The following ARL15 variants were observed in gnomAD, a reference collection of about 807,000 sequenced individuals.
ARL15 encodes the protein ARF like GTPase 15.
A neutral mutation model predicts 25.2 loss-of-function variants in ARL15; 19 were observed. The ratio of observed to expected loss-of-function variants is 0.75; its 90% CI spans 0.53 to 1.10. The LOEUF (loss-of-function observed/expected upper bound fraction) is 1.10. Among genes scored for constraint, ARL15 ranks in the 50% least tolerant of loss-of-function variants. The pLI is 0.00. For missense variants in ARL15, 220 were observed against 246.0 expected, an observed-to-expected ratio of 0.89 and a Z score of 0.71; for synonymous variants, 94 against 86.8, an observed-to-expected ratio of 1.08 and a Z score of -0.46.
chr5:54,226,989 T>G (rs1384048666), intron 1 of ARL15, among the ~76,000 whole-genome samples: 1 of 152,174 alleles, frequency 6.6e-6, no homozygotes, highest in Non-Finnish European at 1.5e-5. Flanking sequence ...AATTCTCTCT[T>G]GCCTGCCGCT....
chr5:53,995,508 G>C (rs926870235), intron 4 of ARL15, among the ~76,000 whole-genome samples: 5 of 152,058 alleles, frequency 3.3e-5, no homozygotes, highest in African/African-American at 1.2e-4. Context: ...ATAATTCTCA[G>C]TATTTTGGCA....
At chr5:53,958,552 G>T (rs1747248438) in intron 4 of ARL15, among the ~76,000 whole-genome samples, 2 of 152,120 alleles carry the variant, frequency 1.3e-5, no homozygotes, top group Admixed American at 1.3e-4. Context: ...TAGCAAAAAG[G>T]TTAAGATTCT....
rs78460994 is a variant in ARL15, at chr5:54,079,343, T to A, written c.462+33859A>T. Among the ~76,000 whole-genome samples, 34 of 152,274 alleles carry A rather than the reference T, an allele frequency of 2.2e-4. 1 individual carries two copies. In the East Asian group the frequency reaches 6.6e-3, roughly 29 times the overall value. On this transcript the variant is annotated intron_variant, in intron 4 of 4. Transcript: ENST00000504924. ...CACAGAGTAAAGAATTGAAAGAAAA[T>A]TGGATATAACCATGGATCTTAACAG...
chr5:53,974,566 G>A (rs1478428572), intron 4 of ARL15, among the ~76,000 whole-genome samples: 1 of 152,120 alleles, frequency 6.6e-6, no homozygotes, highest in African/African-American at 2.4e-5. Flanking sequence ...AATTCTAAAG[G>A]TCACTATATT....
At chr5:54,108,122 A>G (rs780311299) in intron 4 of ARL15, among the ~76,000 whole-genome samples, 8 of 152,172 alleles carry the variant, frequency 5.3e-5, no homozygotes, top group Non-Finnish European at 2.9e-5. Flanking sequence ...ACTTAAAATA[A>G]TGACATTCTT....
At chr5:53,916,293 T>TAAAA (rs3055337) in intron 4 of ARL15, among the ~76,000 whole-genome samples, 1,880 of 141,894 alleles carry the variant, frequency 0.013, 43 homozygotes, top group African/African-American at 0.042. Context: ...AATGTAATAT[T>TAAAA]AAAAAAAAAA....
At position 54,258,814 on chromosome 5, in the gene ARL15, C is replaced by T. The variant is rs140659888; in HGVS notation, c.48+51618G>A. Among the ~76,000 whole-genome samples, 812 of 152,340 alleles carry T rather than the reference C, an allele frequency of 5.3e-3. 7 individuals are homozygous for T. Among genetic ancestry groups the T allele is most frequent in the Admixed American group, 8.2e-3 (125 of 15,312 alleles). On this transcript the variant is annotated intron_variant, in intron 1 of 4. Transcript: ENST00000504924. ...ATGAAGATCACAGGCCCAAAGCACC[C>T]ACCCTGAGCCCCTCCAGGCTAAGCT...
At chr5:54,170,714 C>G (rs546232628) in intron 2 of ARL15, among the ~76,000 whole-genome samples, 1 of 152,268 alleles carries the variant, frequency 6.6e-6, no homozygotes, top group South Asian at 2.1e-4. Flanking sequence ...TGCATCCTTC[C>G]CTTCCCCAGG....
intron 4 of ARL15, among the ~76,000 whole-genome samples, chr5:54,079,847 G>A (rs1249964438): frequency 1.3e-5 from 2 of 151,972 alleles, no homozygotes; most frequent in African/African-American, 4.8e-5. Context: ...GCACATGCCT[G>A]TAATACCAGC....
intron 4 of ARL15, among the ~76,000 whole-genome samples, chr5:53,978,676 C>T (rs1310893944): frequency 1.3e-5 from 2 of 148,746 alleles, no homozygotes. Context: ...TCACAGCAGG[C>T]AAGAGGTATG....
intron 4 of ARL15, among the ~76,000 whole-genome samples, chr5:53,917,193 G>C (rs1745678425): frequency 6.6e-6 from 1 of 152,276 alleles, no homozygotes; most frequent in Admixed American, 6.5e-5. Flanking sequence ...TCCAATTGTA[G>C]CAACTTATTT....
chr5:54,016,461 T>C (rs1265445034), intron 4 of ARL15, among the ~76,000 whole-genome samples: 1 of 152,156 alleles, frequency 6.6e-6, no homozygotes, highest in Non-Finnish European at 1.5e-5. Flanking sequence ...ACACTTGCTT[T>C]AACACTCTGC....
chr5:54,103,447 A>T (rs1016229343), intron 4 of ARL15, among the ~76,000 whole-genome samples: 7 of 152,196 alleles, frequency 4.6e-5, no homozygotes, highest in African/African-American at 1.7e-4. Flanking sequence ...CGAAGTGGTA[A>T]TGTGACTATT....
At chr5:54,263,279 G>T (rs966257894) in intron 1 of ARL15, among the ~76,000 whole-genome samples, 2 of 152,098 alleles carry the variant, frequency 1.3e-5, no homozygotes, top group African/African-American at 4.8e-5. Flanking sequence ...AACCTGTGCA[G>T]ATAAAGCTGA....
chr5:54,172,169 G>A (rs551468328), intron 1 of ARL15, among the ~76,000 whole-genome samples: 77 of 152,214 alleles, frequency 5.1e-4, no homozygotes, highest in African/African-American at 1.8e-3. Flanking sequence ...TGCTATGGCA[G>A]GTGCACTGCA....
intron 1 of ARL15, among the ~76,000 whole-genome samples, chr5:54,307,332 A>G (rs1000730812): frequency 5.3e-5 from 8 of 152,236 alleles, no homozygotes; most frequent in African/African-American, 1.9e-4. Flanking sequence ...AAACTGGTGA[A>G]AAAAAGCAGA....
At chr5:53,923,659 T>TA (rs1018159265) in intron 4 of ARL15, among the ~76,000 whole-genome samples, 20 of 152,310 alleles carry the variant, frequency 1.3e-4, no homozygotes, top group African/African-American at 3.6e-4. Context: ...TCATAATATT[T>TA]AAAAAACTTA....
At chr5:54,112,476 C>G (rs1039146188) in intron 4 of ARL15, among the ~76,000 whole-genome samples, 2 of 152,130 alleles carry the variant, frequency 1.3e-5, no homozygotes, top group Non-Finnish European at 2.9e-5. Flanking sequence ...CTGAAAGTTA[C>G]AAGTATAAAG....
intron 4 of ARL15, among the ~76,000 whole-genome samples, chr5:53,977,596 C>A (rs2111567966): frequency 6.6e-6 from 1 of 152,248 alleles, no homozygotes; most frequent in South Asian, 2.1e-4. Flanking sequence ...TAAGTCCATG[C>A]AATTTTGCCA....
Sources: allele counts gnomAD v4.1 joint callset (sites outside exome capture counted in the v4.1 genomes callset), GRCh38; gene constraint gnomAD v4.1.1; transcripts MANE v1.5; gene names NCBI Gene and HGNC (gene_info 2026-07-23, HGNC 2026-07-21).